Variants in BACH2 observed in about 807,000 individuals in gnomAD.
BACH2 encodes the protein BACH transcriptional regulator 2.
BACH2 carries 5 observed loss-of-function variants against 61.8 expected under a neutral mutation model. The observed-to-expected ratio is 0.08, with a 90% CI of 0.04 to 0.17. The LOEUF (loss-of-function observed/expected upper bound fraction) is 0.17, where lower values mean the gene tolerates loss of function less well. Among genes scored for constraint, BACH2 ranks in the 10% least tolerant of loss-of-function variants. BACH2 has a pLI of 1.00. For synonymous variants in BACH2, 446 were observed against 440.1 expected, an observed-to-expected ratio of 1.01 and a Z score of -0.17; for missense variants, 824 against 1,091.1, an observed-to-expected ratio of 0.76 and a Z score of 3.45.
intron 4 of BACH2, among the ~76,000 whole-genome samples, chr6:90,133,053 C>T (rs922350100): frequency 8.5e-5 from 13 of 152,150 alleles, no homozygotes; most frequent in African/African-American, 3.1e-4. Flanking sequence ...TTTTATAGCA[C>T]TTACTGCTTT....
At chr6:90,080,624 T>C (rs577411267) in intron 5 of BACH2, 60 of 357,880 alleles carry the variant, frequency 1.7e-4, no homozygotes, top group Non-Finnish European at 2.2e-4. Flanking sequence ...AAAATGCTTG[T>C]TCCTCTGAGC....
chr6:90,061,177 T>C (rs912369538), intron 5 of BACH2, among the ~76,000 whole-genome samples: 3 of 152,122 alleles, frequency 2.0e-5, no homozygotes, highest in African/African-American at 7.2e-5. Flanking sequence ...CAGAGCCAGG[T>C]AGGAGGCTAA....
chr6:90,072,095 G>A (rs1562421021), intron 5 of BACH2, among the ~76,000 whole-genome samples: 1 of 152,138 alleles, frequency 6.6e-6, no homozygotes, highest in Non-Finnish European at 1.5e-5. Context: ...GTGGACCCAC[G>A]CACTTCAAAC....
At chr6:89,978,544 G>C (rs948697033) in intron 6 of BACH2, among the ~76,000 whole-genome samples, 1 of 151,266 alleles carries the variant, frequency 6.6e-6, no homozygotes, top group Non-Finnish European at 1.5e-5. Flanking sequence ...GCCAGAGAAG[G>C]CTGCTCAGGC....
At chr6:90,186,494 A>G (rs1173950064) in intron 4 of BACH2, among the ~76,000 whole-genome samples, 2 of 152,218 alleles carry the variant, frequency 1.3e-5, no homozygotes. Context: ...AGAAGTTACA[A>G]ATGACTGTCA....
At chr6:90,143,397 G>C (rs1446770918) in intron 4 of BACH2, among the ~76,000 whole-genome samples, 1 of 152,106 alleles carries the variant, frequency 6.6e-6, no homozygotes, top group Non-Finnish European at 1.5e-5. Flanking sequence ...GTGCAACGCT[G>C]GGCAAGTTAC....
intron 6 of BACH2, among the ~76,000 whole-genome samples, chr6:89,993,654 A>G (rs1776695922): frequency 6.6e-6 from 1 of 152,176 alleles, no homozygotes; most frequent in Admixed American, 6.5e-5. Flanking sequence ...CATCTTAGGC[A>G]TGATGAAGGG....
At chr6:90,219,047 A>T (rs542432884) in intron 3 of BACH2, among the ~76,000 whole-genome samples, 1 of 152,060 alleles carries the variant, frequency 6.6e-6, no homozygotes, top group South Asian at 2.1e-4. Context: ...AGTAGACTTC[A>T]GTGGAGTGAA....
At position 90,118,700 on chromosome 6, in the gene BACH2, C is replaced by A. The variant is rs1220062723; in HGVS notation, c.-161-29591G>T. ...AAGATGCGCTCTTAAGAAAAGTTGA[C>A]CATATTAAGCCAACAGGGTCATTGT... On this transcript the variant is annotated intron_variant, in intron 4 of 8. Transcript: ENST00000257749. Among the ~76,000 whole-genome samples, 42 of 152,066 alleles carry A rather than the reference C, an allele frequency of 2.8e-4. 1 individual carries two copies. Among genetic ancestry groups the A allele is most frequent in the African/African-American group, 2.4e-5 (1 of 41,406 alleles).
chr6:89,947,759 G>C (rs1159061691), intron 7 of BACH2, among the ~76,000 whole-genome samples: 2 of 151,744 alleles, frequency 1.3e-5, no homozygotes, highest in Non-Finnish European at 2.9e-5. Flanking sequence ...TTTTAGTAGA[G>C]ACGGGGTTTC....
chr6:90,096,561 C>G (rs1782388559), intron 4 of BACH2, among the ~76,000 whole-genome samples: 1 of 152,230 alleles, frequency 6.6e-6, no homozygotes, highest in Non-Finnish European at 1.5e-5. Flanking sequence ...GTGCCTGGCA[C>G]AAACTTGAAT....
chr6:90,098,800 A>G (rs1394812652), intron 4 of BACH2, among the ~76,000 whole-genome samples: 3 of 152,174 alleles, frequency 2.0e-5, no homozygotes, highest in Admixed American at 6.5e-5. Flanking sequence ...TGGATGAGAA[A>G]CGACTTGTTT....
At chr6:90,064,539 T>A (rs1780845135) in intron 5 of BACH2, among the ~76,000 whole-genome samples, 1 of 152,154 alleles carries the variant, frequency 6.6e-6, no homozygotes, top group Non-Finnish European at 1.5e-5. Context: ...AGCAGCCTGA[T>A]GAAAGTGGGG....
At chr6:90,231,194 G>C (rs1707203165) in intron 3 of BACH2, among the ~76,000 whole-genome samples, 1 of 152,118 alleles carries the variant, frequency 6.6e-6, no homozygotes, top group African/African-American at 2.4e-5. Flanking sequence ...ATTATGAAAA[G>C]GGTTTAATTT....
intron 6 of BACH2, among the ~76,000 whole-genome samples, chr6:89,973,861 T>C (rs940984105): frequency 3.9e-5 from 6 of 152,184 alleles, no homozygotes; most frequent in African/African-American, 1.4e-4. Flanking sequence ...GGAGAGCCAT[T>C]AATGGATAAA....
rs116776098 is a variant in BACH2, at chr6:89,940,620, G to C, written c.1837-2270C>G. The stretch of plus-strand genomic sequence containing the variant: ...TCTTGTTTACATTCACGTCTGCTCC[G>C]GATGAGCCAGCAGATGGCACTACAA... On this transcript the variant is annotated intron_variant, in intron 7 of 8. Transcript: ENST00000257749. Among the ~76,000 whole-genome samples the C allele has an allele frequency of 4.0e-3, 611 of 152,262 alleles. 5 individuals carry two copies. Among genetic ancestry groups the C allele is most frequent in the African/African-American group, 0.014 (582 of 41,552 alleles).
At chr6:89,956,628 TGTTTTGGGGAGCTCA>T (rs1251536346) in intron 6 of BACH2, among the ~76,000 whole-genome samples, 11 of 152,106 alleles carry the variant, frequency 7.2e-5, no homozygotes, top group South Asian at 6.2e-4. Flanking sequence ...GGGAGCTCAG[TGTTTTGGGGAGCTCA>T]GTGTTTCATG....
chr6:90,249,511 C>T (rs1225136059), intron 3 of BACH2, among the ~76,000 whole-genome samples: 3 of 152,204 alleles, frequency 2.0e-5, no homozygotes, highest in East Asian at 1.9e-4. Context: ...TGGCTCATGC[C>T]TGTAATGCCA....
Position 89,965,565 on chromosome 6 carries a change from A to C in BACH2, c.244-13703T>G, listed in dbSNP as rs77053550. 9.2e-3 allele frequency among the ~76,000 whole-genome samples: 1,400 copies of C among 152,308 alleles called. 19 individuals carry two copies. Among genetic ancestry groups the C allele is most frequent in the African/African-American group, 0.032 (1,330 of 41,576 alleles). ...AAAGCATGTGCCTTGTACACCCTAG[A>C]GTCTCAATAACTATTAGTTGAACTA... On this transcript the variant is annotated intron_variant, in intron 6 of 8. Transcript: ENST00000257749.
Sources: gnomAD v4.1 joint callset for allele counts (sites outside exome capture counted in the v4.1 genomes callset) on GRCh38, gnomAD v4.1.1 for gene constraint, MANE v1.5 for transcripts, NCBI Gene and HGNC (gene_info 2026-07-23, HGNC 2026-07-21) for gene names.